Variants in ZBBX observed in about 807,000 individuals in gnomAD.
ZBBX encodes zinc finger B-box domain containing, also known as zinc finger B-box domain-containing protein 1.
A neutral mutation model predicts 108.5 loss-of-function variants in ZBBX; 101 were observed. The ratio of observed to expected loss-of-function variants is 0.93; its 90% CI spans 0.79 to 1.10. The LOEUF (loss-of-function observed/expected upper bound fraction) is 1.10, where lower values mean the gene tolerates loss of function less well. Among genes scored for constraint, ZBBX ranks in the 50% least tolerant of loss-of-function variants. ZBBX has a pLI of 0.00. For synonymous variants in ZBBX, 356 were observed against 323.4 expected (o/e 1.10, Z -1.08); for missense variants, 1,009 against 941.4 (o/e 1.07, Z -0.94).
rs149941105 is a variant in ZBBX, at chr3:167,405,600, T to G, written c.-446+2126A>C. On this transcript the variant is annotated intron_variant, in intron 1 of 21. Transcript: ENST00000455345. ...ATTGAAAACAATAAAAATATGAAGG[T>G]GAAGAAAAACTTAGTATAGGTTATT... Among the ~76,000 whole-genome samples, 164 of 152,196 alleles carry G rather than the reference T, an allele frequency of 1.1e-3. 1 individual carries two copies. The East Asian group carries it at 0.019, about 18-fold the overall frequency.
chr3:167,209,877 C>T, the ZBBX span, among the ~76,000 whole-genome samples: 21 of 151,992 alleles, frequency 1.4e-4, no homozygotes, highest in African/African-American at 4.8e-4. Context: ...ATCACTTGAG[C>T]CCAGGAGTTC....
chr3:167,315,818 C>T lies in ZBBX; in HGVS notation c.1206G>A (p.Glu402=). 6.2e-7 allele frequency: 1 copy of T among 1,600,764 alleles called. No homozygotes were observed. Among genetic ancestry groups the T allele is most frequent in the Non-Finnish European group, 8.5e-7 (1 of 1,171,166 alleles). ...CAATATTTTCTGCTTCTTCAAATTC[C>T]TCTTCATAAGTCTTATTAAATTAAT... is the stretch of plus-strand genomic sequence containing the variant. ...KIVELDDTYE[E]EFEEAENIVP... is the part of the protein sequence containing the mutation. Residue 402 remains glutamate, a synonymous_variant, in exon 15 of 22, where the codon GAG becomes GAA. Transcript: ENST00000675490.
At chr3:167,243,854 T>C (rs1428436085) in intron 20 of ZBBX, among the ~76,000 whole-genome samples, 1 of 140,326 alleles carries the variant, frequency 7.1e-6, no homozygotes, top group African/African-American at 2.7e-5. Context: ...CACTGAAAAA[T>C]AGACCTCAAT....
At chr3:167,398,985 T>A (rs749806154) in intron 1 of ZBBX, among the ~76,000 whole-genome samples, 1 of 151,046 alleles carries the variant, frequency 6.6e-6, no homozygotes, top group Non-Finnish European at 1.5e-5. Context: ...AAGAAAGAAC[T>A]GAGCTAACAA....
the ZBBX span, among the ~76,000 whole-genome samples, chr3:167,186,155 T>G: frequency 6.6e-6 from 1 of 151,942 alleles, no homozygotes; most frequent in African/African-American, 2.4e-5. Context: ...ATATATAATA[T>G]TTTTAATTAA....
chr3:167,394,555 AT>A (rs148670572), intron 1 of ZBBX, among the ~76,000 whole-genome samples: 8,116 of 149,498 alleles, frequency 0.054, 712 homozygotes, highest in African/African-American at 0.18. Flanking sequence ...TCTCAAACTC[AT>A]TTTTTTTTTC....
chr3:167,373,814 G>A (rs1404923520), intron 2 of ZBBX, 27 bp from the exon 3 acceptor site: 4 of 152,212 alleles, frequency 2.6e-5, no homozygotes, highest in African/African-American at 9.7e-5. Flanking sequence ...AGAGATGGAA[G>A]TGGTAGACGA....
At chr3:167,382,508 GT>G (rs1180077152), upstream of ZBBX, among the ~76,000 whole-genome samples, 1 of 152,048 alleles carries the variant, frequency 6.6e-6, no homozygotes, top group Non-Finnish European at 1.5e-5. Context: ...TTGAATACAA[GT>G]TTTCTGAACT....
At chr3:167,396,229 C>T (rs1176037361) in intron 1 of ZBBX, among the ~76,000 whole-genome samples, 1 of 152,008 alleles carries the variant, frequency 6.6e-6, no homozygotes, top group Non-Finnish European at 1.5e-5. Flanking sequence ...TTGCAGGATA[C>T]ATTTCCCTGG....
chr3:167,287,447 G>A (rs1369205472), intron 19 of ZBBX, among the ~76,000 whole-genome samples: 2 of 152,068 alleles, frequency 1.3e-5, no homozygotes, highest in Non-Finnish European at 2.9e-5. Flanking sequence ...GGTTTCCCAG[G>A]TGATTATGCC....
At chr3:167,219,740 A>G in the ZBBX span, among the ~76,000 whole-genome samples, 1 of 151,952 alleles carries the variant, frequency 6.6e-6, no homozygotes, top group African/African-American at 2.4e-5. Context: ...CACAATTAGT[A>G]GAAGAAAATA....
chr3:167,281,348 TC>T (rs1728780071), intron 20 of ZBBX, among the ~76,000 whole-genome samples: 1 of 152,342 alleles, frequency 6.6e-6, no homozygotes, highest in African/African-American at 2.4e-5. Context: ...GGTTTTTATT[TC>T]TTTTTTTGTA....
intron 20 of ZBBX, 105 bp from the exon 21 acceptor site, chr3:167,242,748 G>A: frequency 9.8e-7 from 1 of 1,020,892 alleles, no homozygotes; most frequent in East Asian, 2.9e-5. Flanking sequence ...GCAATACAAA[G>A]AAGGTCAGCA....
the ZBBX span, among the ~76,000 whole-genome samples, chr3:167,205,388 A>G: frequency 2.6e-5 from 4 of 152,154 alleles, no homozygotes; most frequent in Non-Finnish European, 5.9e-5. Context: ...AAAAGAAAAA[A>G]AATAAAACAC....
rs999323614 is a variant in ZBBX, at chr3:167,397,873, G to T, written c.-446+9853C>A. Among the ~76,000 whole-genome samples, 17 of 150,594 alleles carry T rather than the reference G, an allele frequency of 1.1e-4. 1 individual carries two copies. The highest frequency in any genetic ancestry group is 2.2e-4 in the Non-Finnish European group (15 of 67,738). On this transcript the variant is annotated intron_variant, in intron 1 of 21. Coordinates refer to the ZBBX transcript ENST00000455345. ...TCACTTGCAAAAAAAAAAAAATTAG[G>T]TTACATTTGTTTGCTTGTAAAAATA...
chr3:167,323,470 C>A (rs1254055319), intron 11 of ZBBX, among the ~76,000 whole-genome samples: 3 of 152,092 alleles, frequency 2.0e-5, no homozygotes, highest in East Asian at 3.9e-4. Flanking sequence ...GACCTACAGG[C>A]AAATGAATTA....
chr3:167,350,898 T>C lies in ZBBX; in HGVS notation c.433-383A>G, dbSNP rs1742532584. On this transcript the variant is annotated intron_variant, in intron 8 of 21. Coordinates refer to ENST00000675490, the MANE Select transcript of ZBBX (RefSeq NM_001199201.2). The stretch of plus-strand genomic sequence containing the variant: ...GGTAAAAACTAAACAGCATTATCTC[T>C]GGGTGAAAACTCCTTCATTTGTATG... Among the ~76,000 whole-genome samples the C allele has an allele frequency of 3.3e-5, 5 of 152,180 alleles. No homozygotes were observed. The South Asian group carries it at 1.0e-3, about 32-fold the overall frequency.
At chr3:167,212,476 T>C in the ZBBX span, among the ~76,000 whole-genome samples, 1 of 152,118 alleles carries the variant, frequency 6.6e-6, no homozygotes, top group Non-Finnish European at 1.5e-5. Context: ...CCCTAAGCCT[T>C]ATCCACAGCT....
chr3:167,319,629 G>A (rs151059837), intron 12 of ZBBX, among the ~76,000 whole-genome samples: 27 of 152,072 alleles, frequency 1.8e-4, no homozygotes, highest in African/African-American at 4.6e-4. Flanking sequence ...CCTAGATACC[G>A]TAGGCTACAG....
Sources: allele counts gnomAD v4.1 joint callset (sites outside exome capture counted in the v4.1 genomes callset), GRCh38; gene constraint gnomAD v4.1.1; transcripts MANE v1.5; gene names NCBI Gene and HGNC (gene_info 2026-07-23, HGNC 2026-07-21).